The following UNC13C variants were observed in gnomAD, a reference collection of about 807,000 sequenced individuals.
The protein encoded by UNC13C is unc-13 homolog C, also known as protein unc-13 homolog C.
A neutral mutation model predicts 245.4 loss-of-function variants in UNC13C; 174 were observed. The ratio of observed to expected loss-of-function variants is 0.71; its 90% CI spans 0.63 to 0.80. The LOEUF (loss-of-function observed/expected upper bound fraction) is 0.80. UNC13C is among the 30% of genes least tolerant of loss of function. The pLI is 0.00. For missense variants in UNC13C, 2,829 were observed against 2,602.9 expected (o/e 1.09, Z -1.89); for synonymous variants, 992 against 895.1 (o/e 1.11, Z -1.93).
chr15:54,243,215 A>G (rs188650581), intron 7 of UNC13C, among the ~76,000 whole-genome samples: 181 of 150,522 alleles, frequency 1.2e-3, no homozygotes, highest in Non-Finnish European at 1.6e-3. Flanking sequence ...GCTCCCACTA[A>G]TAAGTGAGAA....
intron 3 of UNC13C, among the ~76,000 whole-genome samples, chr15:54,143,414 G>C (rs1029402341): frequency 1.3e-5 from 2 of 152,112 alleles, no homozygotes; most frequent in African/African-American, 4.8e-5. Flanking sequence ...CTCTGCCAGT[G>C]CATTTGTTTA....
At chr15:54,484,553 C>T (rs1893306270) in intron 19 of UNC13C, among the ~76,000 whole-genome samples, 2 of 152,162 alleles carry the variant, frequency 1.3e-5, no homozygotes, top group African/African-American at 2.4e-5. Flanking sequence ...GCCAATAATA[C>T]ATTTTAAATT....
At chr15:54,408,221 A>C (rs1220436327) in intron 18 of UNC13C, among the ~76,000 whole-genome samples, 2 of 148,710 alleles carry the variant, frequency 1.3e-5, no homozygotes, top group Non-Finnish European at 3.0e-5. Context: ...AAAAAAAAAA[A>C]AAAAAAAACA....
chr15:54,421,444 T>C (rs2040641770), intron 19 of UNC13C, among the ~76,000 whole-genome samples: 1 of 152,004 alleles, frequency 6.6e-6, no homozygotes, highest in African/African-American at 2.4e-5. Flanking sequence ...GGTTCAAAAC[T>C]TTTGCTTGCT....
intron 13 of UNC13C, among the ~76,000 whole-genome samples, chr15:54,315,777 G>T (rs2037992889): frequency 6.6e-6 from 1 of 151,592 alleles, no homozygotes; most frequent in African/African-American, 2.4e-5. Context: ...AGCTCACTTG[G>T]CAGAAGAACC....
chr15:54,605,638 G>T (rs1899729159), intron 30 of UNC13C, among the ~76,000 whole-genome samples: 1 of 152,098 alleles, frequency 6.6e-6, no homozygotes, highest in Non-Finnish European at 1.5e-5. Context: ...ATACAGAGAG[G>T]GTGAGGAATC....
chr15:54,518,596 T>C (rs954518849), intron 24 of UNC13C, among the ~76,000 whole-genome samples: 3 of 152,198 alleles, frequency 2.0e-5, no homozygotes, highest in African/African-American at 7.2e-5. Context: ...CCATTACTGG[T>C]AAAATTTAAC....
Position 54,518,439 on chromosome 15 carries a change from T to G in UNC13C, c.5457+6609T>G, listed in dbSNP as rs1360873823. On this transcript the variant is annotated intron_variant, in intron 24 of 32. Transcript: ENST00000260323. ...ACCTCTCTCTGAACCTTAAGAAAAC[T>G]TAAGGAGAAAGGACACATGCCCCAG... Among the ~76,000 whole-genome samples the G allele has an allele frequency of 2.0e-5, 3 of 152,190 alleles. No individual in the cohort carries two copies. The East Asian group carries it at 5.8e-4, about 29-fold the overall frequency.
chr15:54,321,542 A>G (rs759132224), intron 13 of UNC13C: 25 of 447,914 alleles, frequency 5.6e-5, no homozygotes, highest in Non-Finnish European at 1.1e-4. Context: ...TGGGTTTCTC[A>G]TTACCACATA....
rs543243116 is a variant in UNC13C, at chr15:54,607,049, A to AT, written c.6107-15274dup. On this transcript the variant is annotated intron_variant, in intron 30 of 32. Transcript: ENST00000260323. ...AGGTTTTGTGGGAAAAAAAATTGGC[A>AT]TTTTCATCAGCTTCAAATCTTAAAT... Among the ~76,000 whole-genome samples, 721 of 152,280 alleles carry AT rather than the reference A, an allele frequency of 4.7e-3. 11 individuals carry two copies. Among genetic ancestry groups the AT allele is most frequent in the African/African-American group, 0.017 (700 of 41,556 alleles).
At chr15:54,188,593 G>A (rs76389934) in intron 4 of UNC13C, among the ~76,000 whole-genome samples, 156 of 152,168 alleles carry the variant, frequency 1.0e-3, no homozygotes, top group African/African-American at 3.4e-3. Context: ...TTTCAAAGCC[G>A]GATTGCTTTA....
chr15:54,343,973 T>C (rs1369121159), intron 17 of UNC13C, among the ~76,000 whole-genome samples: 1 of 152,158 alleles, frequency 6.6e-6, no homozygotes, highest in Non-Finnish European at 1.5e-5. Context: ...CCAGAAGCAT[T>C]GTAGAGGAAG....
intron 2 of UNC13C, among the ~76,000 whole-genome samples, chr15:54,028,387 G>A (rs77318468): frequency 0.13 from 19,114 of 152,042 alleles, 1,448 homozygotes; most frequent in East Asian, 0.21. Context: ...ACTAGTCTCC[G>A]TCTCTATTTC....
At position 53,978,895 on chromosome 15, in the gene UNC13C, G is replaced by A. The variant is rs964705973; in HGVS notation, c.-289G>A. ...GGAGGGGAAGAACAACCCAGTTGGC[G>A]TGCACATTTTTTTTTAAAGGAGAAT... On this transcript the variant is annotated 5_prime_UTR_variant, in exon 1 of 33. It adds an upstream start codon to the 5' untranslated region. Transcript: ENST00000260323. Among the ~76,000 whole-genome samples, 2 of 152,130 alleles carry A rather than the reference G, an allele frequency of 1.3e-5. No individual in the cohort carries two copies. The highest frequency in any genetic ancestry group is 4.8e-5 in the African/African-American group (2 of 41,420).
the UNC13C span, among the ~76,000 whole-genome samples, chr15:53,936,876 T>A: frequency 0.99 from 150,261 of 152,288 alleles, 74,163 homozygotes; most frequent in Middle Eastern, 1. Flanking sequence ...ACCCATTCTG[T>A]GGTCAGCAAC....
chr15:53,859,485 T>C, the UNC13C span, among the ~76,000 whole-genome samples: 2 of 152,298 alleles, frequency 1.3e-5, no homozygotes, highest in Admixed American at 6.5e-5. Context: ...AAACAAATTC[T>C]TTGCATTGTT....
At chr15:54,504,162 A>T (rs1461296950) in intron 22 of UNC13C, among the ~76,000 whole-genome samples, 3 of 152,160 alleles carry the variant, frequency 2.0e-5, no homozygotes, top group Admixed American at 2.0e-4. Context: ...AATAGATATG[A>T]AGTAATGTTA....
At chr15:54,130,915 C>T (rs2031378101) in intron 2 of UNC13C, among the ~76,000 whole-genome samples, 1 of 152,302 alleles carries the variant, frequency 6.6e-6, no homozygotes, top group Non-Finnish European at 1.5e-5. Flanking sequence ...GTAAAAGTTG[C>T]GTGACCAATG....
chr15:54,080,558 T>C (rs550977447), intron 2 of UNC13C, among the ~76,000 whole-genome samples: 1 of 152,192 alleles, frequency 6.6e-6, no homozygotes, highest in East Asian at 1.9e-4. Flanking sequence ...GGAAGTCATA[T>C]GTTTCCAGGA....
Sources: allele counts gnomAD v4.1 joint callset (sites outside exome capture counted in the v4.1 genomes callset), GRCh38; gene constraint gnomAD v4.1.1; transcripts MANE v1.5; gene names NCBI Gene and HGNC (gene_info 2026-07-23, HGNC 2026-07-21).